The following ADD2 variants were observed in gnomAD, a reference collection of about 807,000 sequenced individuals.
ADD2 encodes the protein adducin 2, also known as beta-adducin.
ADD2 carries 23 observed loss-of-function variants against 83.0 expected under a neutral mutation model. The observed-to-expected ratio is 0.28, with a 90% CI of 0.20 to 0.39. The LOEUF (loss-of-function observed/expected upper bound fraction) is 0.39. ADD2 is among the 10% of genes least tolerant of loss of function. The pLI, the probability that ADD2 is intolerant of heterozygous loss-of-function variation, is 1.00. For missense variants in ADD2, 758 were observed against 944.9 expected (o/e 0.80, Z 2.59); for synonymous variants, 375 against 375.4 (o/e 1.00, Z 0.01).
At chr2:70,721,636 C>G (rs1360231864) in intron 1 of ADD2, among the ~76,000 whole-genome samples, 2 of 152,196 alleles carry the variant, frequency 1.3e-5, no homozygotes, top group Non-Finnish European at 2.9e-5. Flanking sequence ...GAGAAAGCCA[C>G]GTGTTTTCTG....
At position 70,767,952 on chromosome 2, in the gene ADD2, T is replaced by TG. The variant is rs1553386490; in HGVS notation, c.-221dup. 2 of 1,535,592 alleles carry TG rather than the reference T, an allele frequency of 1.3e-6. No individual in the cohort carries two copies. Among genetic ancestry groups the TG allele is most frequent in the South Asian group, 1.2e-5 (1 of 84,056 alleles). ...GGTTGGTTTTGTTATTTTATGGGTT[T>TG]GGGGGGTGGGGTGCGCTTAAAAAAT... On this transcript the variant is annotated 5_prime_UTR_variant, in exon 1 of 16. Coordinates refer to ENST00000264436, the MANE Select transcript of ADD2 (RefSeq NM_001617.4).
At chr2:70,684,564 TA>T (rs565261964) in intron 9 of ADD2, among the ~76,000 whole-genome samples, 43 of 152,330 alleles carry the variant, frequency 2.8e-4, no homozygotes, top group African/African-American at 1.0e-3. Flanking sequence ...TATATTTTTT[TA>T]AAAGTCACTT....
Position 70,688,114 on chromosome 2 carries a change from C to T in ADD2, c.858G>A (p.Val286=), listed in dbSNP as rs139387703. ...KCLGPTCKIL[V]LRNHGVVALG... The stretch of plus-strand genomic sequence containing the variant: ...GAGCAACCACTCCATGGTTTCTTAG[C>T]ACCAGGATCTGTAGAGAAATAAATA... The change falls in exon 9 of 16, where the codon GTG becomes GTA. Residue 286 remains valine, a synonymous_variant. Transcript: ENST00000264436. The T allele has an allele frequency of 5.3e-5, 85 of 1,613,692 alleles. No individual in the cohort carries two copies. The highest frequency in any genetic ancestry group is 6.8e-5 in the Non-Finnish European group (80 of 1,179,726).
At chr2:70,751,789 T>C (rs1674517688) in intron 1 of ADD2, among the ~76,000 whole-genome samples, 1 of 152,184 alleles carries the variant, frequency 6.6e-6, no homozygotes, top group Non-Finnish European at 1.5e-5. Context: ...ACACTGTAAC[T>C]GTGATAACCA....
At chr2:70,732,218 T>C (rs1553379441) in intron 1 of ADD2, among the ~76,000 whole-genome samples, 1 of 152,134 alleles carries the variant, frequency 6.6e-6, no homozygotes, top group African/African-American at 2.4e-5. Flanking sequence ...ATGAAGCCTT[T>C]AGGTCTTCAC....
chr2:70,688,213 C>T, intron 8 of ADD2, 91 bp from the exon 9 acceptor site: 1 of 1,017,068 alleles, frequency 9.8e-7, no homozygotes, highest in Non-Finnish European at 1.5e-6. Flanking sequence ...GATCAACTTC[C>T]ACAACCAATC....
intron 10 of ADD2, among the ~76,000 whole-genome samples, chr2:70,679,890 C>G (rs1553369247): frequency 1.3e-5 from 2 of 151,948 alleles, no homozygotes; most frequent in Admixed American, 1.3e-4. Flanking sequence ...ATGTTCTCAG[C>G]CCATTTTTCT....
chr2:70,718,093 T>C (rs1349994069), intron 1 of ADD2, among the ~76,000 whole-genome samples: 20 of 152,190 alleles, frequency 1.3e-4, no homozygotes, highest in African/African-American at 4.8e-4. Context: ...CAAACATTCC[T>C]AGTGAAGTCC....
intron 15 of ADD2, among the ~76,000 whole-genome samples, chr2:70,665,737 G>C (rs1162652742): frequency 2.6e-5 from 4 of 151,870 alleles, no homozygotes; most frequent in African/African-American, 9.7e-5. Context: ...CTTCCAGGTA[G>C]AGTTTATCAC....
chr2:70,673,117 G>T, intron 14 of ADD2, 111 bp from the exon 15 acceptor site: 1 of 1,533,518 alleles, frequency 6.5e-7, no homozygotes, highest in Non-Finnish European at 8.9e-7. Context: ...AATCCTCCTG[G>T]CTGATAATGA....
intron 15 of ADD2, 85 bp downstream of exon 15, chr2:70,672,793 G>T (rs1319506246): frequency 4.2e-6 from 6 of 1,441,546 alleles, no homozygotes; most frequent in Non-Finnish European, 5.6e-6. Context: ...TCAGATTAGG[G>T]GCAACACGAG....
At chr2:70,664,454 C>T (rs1675675575) in intron 15 of ADD2, among the ~76,000 whole-genome samples, 1 of 152,222 alleles carries the variant, frequency 6.6e-6, no homozygotes, top group African/African-American at 2.4e-5. Context: ...TTCTCCCCCT[C>T]CCCACTCTCA....
chr2:70,697,840 C>T (rs2104350926), intron 4 of ADD2, among the ~76,000 whole-genome samples: 1 of 152,278 alleles, frequency 6.6e-6, no homozygotes, highest in South Asian at 2.1e-4. Context: ...ATCCAGCGAG[C>T]AGAGTAGGCC....
At chr2:70,726,333 C>G (rs1673002281) in intron 1 of ADD2, among the ~76,000 whole-genome samples, 1 of 152,136 alleles carries the variant, frequency 6.6e-6, no homozygotes, top group Non-Finnish European at 1.5e-5. Context: ...GAGAGCCCAG[C>G]TTTCAGCTGT....
intron 13 of ADD2, chr2:70,675,798 CAAG>C: frequency 1.0e-6 from 1 of 985,324 alleles, no homozygotes; most frequent in African/African-American, 1.7e-5. Context: ...ACCAAAAACC[CAAG>C]AAGAGGGACT....
chr2:70,677,686 A>C lies in ADD2; in HGVS notation c.1503+72T>G, dbSNP rs1009961549. 2.5e-6 allele frequency: 4 copies of C among 1,577,754 alleles called. No homozygotes were observed. In the African/African-American group the frequency reaches 5.4e-5, roughly 21 times the overall value. On this transcript the variant is annotated intron_variant, in intron 12 of 15. Transcript: ENST00000264436. ...CGAGTCAGGCACATCCTGGGAACTC[A>C]GCTCCTGTTTGTGGGACCTGAGACC...
chr2:70,679,300 A>C (rs1553369117), intron 10 of ADD2, among the ~76,000 whole-genome samples: 1 of 152,170 alleles, frequency 6.6e-6, no homozygotes, highest in Admixed American at 6.5e-5. Context: ...TGTACACTAG[A>C]ATCACGGGGG....
intron 4 of ADD2, 56 bp downstream of exon 4, chr2:70,704,265 C>CCCCCCCCCCCCCCCCCCCCCCCCCCA: frequency 6.8e-6 from 3 of 442,438 alleles, no homozygotes; most frequent in African/African-American, 2.1e-5. Flanking sequence ...CCCTCTCTTC[C>CCCCCCCCCCCCCCCCCCCCCCCCCCA]CCACCCCACC....
intron 1 of ADD2, among the ~76,000 whole-genome samples, chr2:70,731,919 G>C (rs1489529744): frequency 6.6e-6 from 1 of 152,178 alleles, no homozygotes; most frequent in East Asian, 1.9e-4. Context: ...ACCTTCCAAT[G>C]AGTGGCAGGC....
Sources: gnomAD v4.1 joint callset for allele counts (sites outside exome capture counted in the v4.1 genomes callset) on GRCh38, gnomAD v4.1.1 for gene constraint, MANE v1.5 for transcripts, NCBI Gene and HGNC (gene_info 2026-07-23, HGNC 2026-07-21) for gene names.